Variants in CNTNAP2 observed in about 807,000 individuals in gnomAD.
CNTNAP2 encodes contactin associated protein 2.
Under a neutral mutation model 155.2 loss-of-function variants are expected in CNTNAP2, and 98 were observed. The ratio of observed to expected loss-of-function variants is 0.63; its 90% CI spans 0.54 to 0.75. The LOEUF (loss-of-function observed/expected upper bound fraction) is 0.75. Ranked by LOEUF, CNTNAP2 falls within the 30% of genes least tolerant of loss-of-function variation. The pLI is 0.00. For missense variants in CNTNAP2, 1,727 were observed against 1,688.1 expected (o/e 1.02, Z -0.40); for synonymous variants, 651 against 631.2 (o/e 1.03, Z -0.47).
At chr7:146,856,297 G>GATAAATAC (rs869052895) in intron 3 of CNTNAP2, among the ~76,000 whole-genome samples, 1 of 116,652 alleles carries the variant, frequency 8.6e-6, no homozygotes, top group East Asian at 2.7e-4. Context: ...TAGATAGATA[G>GATAAATAC]ATACATACAT....
At chr7:146,345,000 A>G (rs1794798216) in intron 1 of CNTNAP2, among the ~76,000 whole-genome samples, 1 of 152,226 alleles carries the variant, frequency 6.6e-6, no homozygotes, top group African/African-American at 2.4e-5. Flanking sequence ...TGCAAGGTCA[A>G]TGAACAGATG....
At chr7:147,694,328 T>C (rs1796132188) in intron 13 of CNTNAP2, among the ~76,000 whole-genome samples, 1 of 152,110 alleles carries the variant, frequency 6.6e-6, no homozygotes, top group African/African-American at 2.4e-5. Context: ...TTTCTTATAA[T>C]GTCTTTGTCT....
At chr7:148,069,623 G>GCCT (rs1803341948) in intron 15 of CNTNAP2, among the ~76,000 whole-genome samples, 1 of 152,038 alleles carries the variant, frequency 6.6e-6, no homozygotes, top group African/African-American at 2.4e-5. Context: ...AGCCGGGCAT[G>GCCT]GTGGCGGGCG....
At chr7:148,401,137 G>C (rs917546270) in intron 22 of CNTNAP2, among the ~76,000 whole-genome samples, 39 of 152,174 alleles carry the variant, frequency 2.6e-4, no homozygotes, top group Admixed American at 1.3e-3. Context: ...GATGTGGAGG[G>C]CCAGCTGGAT....
chr7:146,563,809 TC>T (rs1798316816), intron 1 of CNTNAP2, among the ~76,000 whole-genome samples: 1 of 152,144 alleles, frequency 6.6e-6, no homozygotes, highest in Admixed American at 6.5e-5. Context: ...CATTATCAAT[TC>T]CCTTTATAAG....
At chr7:146,772,072 A>C (rs934020138) in intron 1 of CNTNAP2, among the ~76,000 whole-genome samples, 4 of 152,150 alleles carry the variant, frequency 2.6e-5, no homozygotes, top group Non-Finnish European at 5.9e-5. Context: ...CATTGTTCAG[A>C]TCACTGGAGA....
intron 1 of CNTNAP2, among the ~76,000 whole-genome samples, chr7:146,282,433 A>G (rs1584846519): frequency 6.6e-6 from 1 of 152,156 alleles, no homozygotes; most frequent in Admixed American, 6.5e-5. Context: ...GACTTTCCAA[A>G]CCTGCCAACA....
chr7:147,924,143 CTTTTT>C (rs71527854), intron 14 of CNTNAP2, among the ~76,000 whole-genome samples: 1 of 123,494 alleles, frequency 8.1e-6, no homozygotes, highest in South Asian at 2.6e-4. Context: ...CTTTTCTTTT[CTTTTT>C]TTTTTTTTGA....
At chr7:147,016,168 G>T (rs1275273332) in intron 3 of CNTNAP2, among the ~76,000 whole-genome samples, 1 of 151,904 alleles carries the variant, frequency 6.6e-6, no homozygotes, top group Non-Finnish European at 1.5e-5. Context: ...AATTTGAGCA[G>T]AATTTAGCTA....
intron 10 of CNTNAP2, among the ~76,000 whole-genome samples, chr7:147,416,707 G>C (rs962915011): frequency 6.6e-6 from 1 of 152,180 alleles, no homozygotes; most frequent in Non-Finnish European, 1.5e-5. Flanking sequence ...TCTGGGGCTG[G>C]ATGGGAGGGC....
intron 21 of CNTNAP2, among the ~76,000 whole-genome samples, chr7:148,372,702 A>C (rs989087508): frequency 9.9e-5 from 15 of 152,060 alleles, no homozygotes; most frequent in Non-Finnish European, 2.1e-4. Context: ...GCAGAGGAAG[A>C]CTCCATCTCA....
At chr7:147,391,662 T>A (rs920615840) in intron 9 of CNTNAP2, among the ~76,000 whole-genome samples, 1 of 152,102 alleles carries the variant, frequency 6.6e-6, no homozygotes, top group Non-Finnish European at 1.5e-5. Context: ...GAATCCCTAT[T>A]GTTTAACTGA....
At chr7:146,345,124 C>T (rs915545697) in intron 1 of CNTNAP2, among the ~76,000 whole-genome samples, 23 of 152,024 alleles carry the variant, frequency 1.5e-4, no homozygotes, top group African/African-American at 5.6e-4. Flanking sequence ...TTCTAAGTGG[C>T]TTGGTGGTTG....
At chr7:146,760,633 C>G (rs746926861) in intron 1 of CNTNAP2, among the ~76,000 whole-genome samples, 24 of 151,660 alleles carry the variant, frequency 1.6e-4, no homozygotes, top group Non-Finnish European at 2.2e-4. Context: ...CCATGATGCC[C>G]AGGCTGGTCT....
At chr7:146,820,438 C>T (rs1219025789) in intron 2 of CNTNAP2, among the ~76,000 whole-genome samples, 1 of 152,004 alleles carries the variant, frequency 6.6e-6, no homozygotes, top group East Asian at 1.9e-4. Context: ...ACTTTTAAAA[C>T]CTCAGACATT....
At chr7:146,998,318 T>A (rs1798350736) in intron 3 of CNTNAP2, among the ~76,000 whole-genome samples, 1 of 152,082 alleles carries the variant, frequency 6.6e-6, no homozygotes, top group African/African-American at 2.4e-5. Context: ...GCTTTTTATT[T>A]CCATTTATTT....
chr7:147,081,516 A>G (rs1800128229), intron 4 of CNTNAP2: 1 of 149,796 alleles, frequency 6.7e-6, no homozygotes, highest in African/African-American at 2.5e-5. Flanking sequence ...TCCCGGGTTC[A>G]AGCGATTCTC....
At chr7:148,112,411 T>TTTA (rs1468398258) in intron 15 of CNTNAP2, among the ~76,000 whole-genome samples, 21 of 130,104 alleles carry the variant, frequency 1.6e-4, no homozygotes, top group African/African-American at 4.4e-4. Flanking sequence ...TGTGCTAAAT[T>TTTA]TTAGTATTAT....
At chr7:148,277,530 C>T (rs867758574) in intron 21 of CNTNAP2, among the ~76,000 whole-genome samples, 10 of 152,146 alleles carry the variant, frequency 6.6e-5, no homozygotes, top group Admixed American at 2.6e-4. Flanking sequence ...GAGACCCTGT[C>T]GGCTTACTCT....
Sources: allele counts gnomAD v4.1 joint callset (sites outside exome capture counted in the v4.1 genomes callset), GRCh38; gene constraint gnomAD v4.1.1; transcripts MANE v1.5; gene names NCBI Gene and HGNC (gene_info 2026-07-23, HGNC 2026-07-21).